LRRC7: variants seen among roughly 807,000 people sequenced by gnomAD.
LRRC7 encodes the protein leucine rich repeat containing 7, also known as leucine-rich repeat-containing protein 7.
LRRC7 carries 23 observed loss-of-function variants against 175.7 expected under a neutral mutation model. The observed-to-expected ratio is 0.13, with a 90% CI of 0.09 to 0.19. The LOEUF is 0.19. Ranked by LOEUF, LRRC7 falls within the 10% of genes least tolerant of loss-of-function variation. The probability of loss-of-function intolerance (pLI) is 1.00; values close to 1 mark genes in which losing one functional copy is unlikely to be tolerated. For synonymous variants in LRRC7, 685 were observed against 680.9 expected (o/e 1.01, Z -0.09); for missense variants, 1,354 against 1,904.7 (o/e 0.71, Z 5.38).
intron 23 of LRRC7, among the ~76,000 whole-genome samples, chr1:70,064,361 T>C (rs1441716694): frequency 6.6e-6 from 1 of 151,982 alleles, no homozygotes; most frequent in Non-Finnish European, 1.5e-5. Flanking sequence ...CTAAGATGCT[T>C]ACCTTGCAAA....
At chr1:69,710,873 C>G (rs148396717) in intron 2 of LRRC7, among the ~76,000 whole-genome samples, 8 of 152,266 alleles carry the variant, frequency 5.3e-5, no homozygotes, top group African/African-American at 1.9e-4. Context: ...ACTAGATAAC[C>G]AGAACTTAGT....
intron 13 of LRRC7, among the ~76,000 whole-genome samples, chr1:70,015,686 A>C (rs894324435): frequency 2.0e-5 from 3 of 152,200 alleles, no homozygotes; most frequent in African/African-American, 7.2e-5. Context: ...CTGAAGCCAA[A>C]GCTAAATATA....
chr1:70,078,915 G>T (rs1023778119), intron 24 of LRRC7, among the ~76,000 whole-genome samples: 8 of 151,342 alleles, frequency 5.3e-5, no homozygotes, highest in African/African-American at 1.9e-4. Flanking sequence ...AATATTTTAA[G>T]AATTCAAATA....
chr1:70,085,488 GT>G (rs958539782), intron 24 of LRRC7, among the ~76,000 whole-genome samples: 1 of 152,056 alleles, frequency 6.6e-6, no homozygotes, highest in Non-Finnish European at 1.5e-5. Context: ...ACTGATCTAT[GT>G]TGTTTCTTGA....
chr1:69,907,367 TG>T (rs1487813630), intron 7 of LRRC7, among the ~76,000 whole-genome samples: 2 of 152,238 alleles, frequency 1.3e-5, no homozygotes, highest in Non-Finnish European at 2.9e-5. Flanking sequence ...TTCCAGTTTT[TG>T]CCCATTCAGT....
chr1:69,678,710 T>C (rs1660108181), intron 2 of LRRC7, among the ~76,000 whole-genome samples: 1 of 152,122 alleles, frequency 6.6e-6, no homozygotes. Flanking sequence ...GATAATCAAG[T>C]TCCATGTTCA....
chr1:69,880,085 A>C (rs1314297515), intron 7 of LRRC7, among the ~76,000 whole-genome samples: 1 of 152,228 alleles, frequency 6.6e-6, no homozygotes, highest in Non-Finnish European at 1.5e-5. Flanking sequence ...GCTCCGAGAC[A>C]CTGGAGAAAT....
intron 8 of LRRC7, among the ~76,000 whole-genome samples, chr1:69,962,494 GA>G (rs1489687652): frequency 9.9e-5 from 15 of 152,230 alleles, no homozygotes; most frequent in South Asian, 6.2e-4. Context: ...ATACCCAAAG[GA>G]ATATAAATTT....
In LRRC7 at chr1:69,938,308, T is replaced by G. The variant is rs539190354; in HGVS notation, c.711+6738T>G. 2.0e-4 allele frequency among the ~76,000 whole-genome samples: 31 copies of G among 152,176 alleles called. No individual in the cohort carries two copies. The South Asian group carries it at 6.4e-3, about 32-fold the overall frequency. ...TTAGAAGACTTGTATTCTATAAAACTGCTTTATAGAAAAGCTTTAAAAAAA... is the reference window on the plus strand; with the variant it reads ...TTAGAAGACTTGTATTCTATAAAACGGCTTTATAGAAAAGCTTTAAAAAAA... On this transcript the variant is annotated intron_variant, in intron 8 of 26. Transcript: ENST00000651989.
chr1:69,779,625 G>A (rs1393070522), intron 3 of LRRC7, among the ~76,000 whole-genome samples: 1 of 151,982 alleles, frequency 6.6e-6, no homozygotes. Context: ...CTCTTCCAAA[G>A]GGAAAAATGA....
intron 26 of LRRC7, among the ~76,000 whole-genome samples, chr1:70,119,293 C>T (rs1341311546): frequency 6.6e-6 from 1 of 152,080 alleles, no homozygotes; most frequent in African/African-American, 2.4e-5. Flanking sequence ...CTGAACTACT[C>T]CAGCACTTTA....
At chr1:69,758,161 TAAC>T (rs1268029245) in intron 2 of LRRC7, among the ~76,000 whole-genome samples, 3 of 151,954 alleles carry the variant, frequency 2.0e-5, no homozygotes, top group Non-Finnish European at 4.4e-5. Context: ...AGATGCCAGG[TAAC>T]AACATGAAAG....
At chr1:69,844,845 T>C (rs988594117) in intron 7 of LRRC7, among the ~76,000 whole-genome samples, 1 of 152,138 alleles carries the variant, frequency 6.6e-6, no homozygotes, top group African/African-American at 2.4e-5. Context: ...GTTTTAGAAA[T>C]ATATTTTCAA....
intron 3 of LRRC7, among the ~76,000 whole-genome samples, chr1:69,788,939 G>A (rs1056583572): frequency 6.6e-6 from 1 of 152,166 alleles, no homozygotes; most frequent in African/African-American, 2.4e-5. Flanking sequence ...CTCAAGTATA[G>A]TTGTTTCCCC....
intron 22 of LRRC7, among the ~76,000 whole-genome samples, chr1:70,049,769 T>G (rs913690965): frequency 5.3e-5 from 8 of 152,050 alleles, no homozygotes; most frequent in Admixed American, 5.3e-4. Flanking sequence ...GTAATACCTA[T>G]TTTTTCCAAA....
intron 4 of LRRC7, among the ~76,000 whole-genome samples, chr1:69,825,260 G>A (rs142980914): frequency 1.3e-5 from 2 of 152,042 alleles, no homozygotes; most frequent in Non-Finnish European, 2.9e-5. Flanking sequence ...TATTAGTTTG[G>A]GAATATCTAT....
intron 1 of LRRC7, among the ~76,000 whole-genome samples, chr1:69,648,615 C>G (rs1299424288): frequency 6.6e-6 from 1 of 152,118 alleles, no homozygotes; most frequent in Non-Finnish European, 1.5e-5. Context: ...TGGCTCCTGC[C>G]CAGTAAGCCT....
intron 4 of LRRC7, among the ~76,000 whole-genome samples, chr1:69,808,656 A>G (rs1397996426): frequency 6.6e-6 from 1 of 152,168 alleles, no homozygotes; most frequent in Non-Finnish European, 1.5e-5. Context: ...CTGCTCCTGA[A>G]TGACTACTGG....
rs768070635 is a variant in LRRC7 at position 70,044,000 on chromosome 1, A to G, written c.4016A>G (p.Tyr1339Cys). ...ACAGTTAACCTTGGCATGCTGCCCT[A>G]TGGAGGTATTTCAGCAATGCATGCA... ...HNTVNLGMLPYGGISAMHAGR... is the reference protein window; with the variant it reads ...HNTVNLGMLPCGGISAMHAGR... The change falls in exon 22 of 27, where the codon TAT becomes TGT. Residue 1339 changes from tyrosine to cysteine, a missense_variant. Tyr to Cys is a radical substitution (Grantham distance 194, BLOSUM62 -2). Coordinates refer to ENST00000651989, the MANE Select transcript of LRRC7 (RefSeq NM_001370785.2). The G allele has an allele frequency of 8.7e-6, 14 of 1,613,380 alleles. No homozygotes were observed. The highest frequency in any genetic ancestry group is 8.5e-7 in the Non-Finnish European group (1 of 1,179,590).
Sources: gnomAD v4.1 joint callset for allele counts (sites outside exome capture counted in the v4.1 genomes callset) on GRCh38, gnomAD v4.1.1 for gene constraint, MANE v1.5 for transcripts, NCBI Gene and HGNC (gene_info 2026-07-23, HGNC 2026-07-21) for gene names.